The following ANGPTL5 variants were observed in gnomAD, a reference collection of about 807,000 sequenced individuals.
ANGPTL5 encodes the protein angiopoietin-related protein 5.
Under a neutral mutation model 39.4 loss-of-function variants are expected in ANGPTL5, and 34 were observed. The observed-to-expected ratio is 0.86, with a 90% confidence interval of 0.66 to 1.15. The LOEUF is 1.15. Ranked by LOEUF, ANGPTL5 falls within the 50% of genes most tolerant of loss-of-function variation. The probability of loss-of-function intolerance (pLI) is 0.00; values close to 1 mark genes in which losing one functional copy is unlikely to be tolerated. For synonymous variants in ANGPTL5, 146 were observed against 152.1 expected, an observed-to-expected ratio of 0.96 and a Z score of 0.29; for missense variants, 467 against 457.5, an observed-to-expected ratio of 1.02 and a Z score of -0.19.
intron 8 of ANGPTL5, among the ~76,000 whole-genome samples, chr11:101,892,369 T>C (rs1026820113): frequency 6.6e-6 from 1 of 152,118 alleles, no homozygotes; most frequent in African/African-American, 2.4e-5. Flanking sequence ...TAGCTGGCAT[T>C]ACAGGCACAC....
chr11:101,915,998 C>T (rs893344260), intron 1 of ANGPTL5, 21 bp downstream of exon 1: 1 of 152,200 alleles, frequency 6.6e-6, no homozygotes, highest in African/African-American at 2.4e-5. Context: ...TGACTTTTCT[C>T]GAAGAGTTGG....
intron 7 of ANGPTL5, among the ~76,000 whole-genome samples, chr11:101,897,153 CT>C (rs1939812938): frequency 6.6e-6 from 1 of 152,152 alleles, no homozygotes; most frequent in Non-Finnish European, 1.5e-5. Context: ...TAAATGTCGT[CT>C]TTTGAAAAGT....
At chr11:101,902,457 T>C (rs1939920901) in intron 6 of ANGPTL5, among the ~76,000 whole-genome samples, 164 bp downstream of exon 6, 2 of 152,286 alleles carry the variant, frequency 1.3e-5, no homozygotes, top group African/African-American at 4.8e-5. Context: ...GGCATTAGAA[T>C]TCTAAAAAAC....
In ANGPTL5 at chr11:101,907,802, T is replaced by C; in HGVS notation, c.96+12A>G. 6.4e-7 allele frequency: 1 copy of C among 1,554,644 alleles called. No homozygotes were observed. The highest frequency in any genetic ancestry group is 8.9e-7 in the Non-Finnish European group (1 of 1,127,018). On this transcript the variant is annotated intron_variant, in intron 2 of 8. Coordinates refer to ENST00000334289, the MANE Select transcript of ANGPTL5 (RefSeq NM_178127.5). ...GCTTTCCTAGCTAATATAATATTGC[T>C]AAAATTCTTACCGTAGAATGATGTA... is the stretch of plus-strand genomic sequence containing the variant.
Position 101,904,807 on chromosome 11 carries a change from T to A in ANGPTL5, c.439+7A>T, listed in dbSNP as rs755845871. ...ACATGAAAAGGCTGAAATACCAAAG[T>A]TCTCACCATGTGACTGAACAGGTCT... On this transcript the variant is annotated splice_region_variant and intron_variant, in intron 5 of 8. Coordinates refer to ENST00000334289, the MANE Select transcript of ANGPTL5 (RefSeq NM_178127.5). 2 of 1,609,618 alleles carry A rather than the reference T, an allele frequency of 1.2e-6. No homozygotes were observed. The highest frequency in any genetic ancestry group is 4.5e-5 in the East Asian group (2 of 44,830).
At chr11:101,902,496 ATTTAT>A in intron 6 of ANGPTL5, 120 bp downstream of exon 6, 1 of 840,560 alleles carries the variant, frequency 1.2e-6, no homozygotes, top group African/African-American at 1.7e-5. Context: ...ACTTTACCTA[ATTTAT>A]TTAAAATTTT....
chr11:101,895,474 T>C (rs1049852956), intron 7 of ANGPTL5, among the ~76,000 whole-genome samples: 1 of 152,202 alleles, frequency 6.6e-6, no homozygotes, highest in African/African-American at 2.4e-5. Context: ...AAACGTTATT[T>C]ACCAGTAAAT....
chr11:101,912,030 C>A (rs1344427544), intron 1 of ANGPTL5, among the ~76,000 whole-genome samples: 2 of 152,222 alleles, frequency 1.3e-5, no homozygotes, highest in Admixed American at 1.3e-4. Flanking sequence ...TGGTCTCTAT[C>A]CCCCTTCACT....
At chr11:101,906,005 T>A (rs1939992343) in intron 3 of ANGPTL5, among the ~76,000 whole-genome samples, 158 bp from the exon 4 acceptor site, 1 of 152,144 alleles carries the variant, frequency 6.6e-6, no homozygotes, top group African/African-American at 2.4e-5. Context: ...AGTTAGTATA[T>A]CTTTTGTTTA....
intron 1 of ANGPTL5, chr11:101,915,335 T>C (rs1340264171): frequency 6.2e-7 from 1 of 1,613,970 alleles, no homozygotes; most frequent in East Asian, 2.2e-5. Context: ...AACTGGGCAC[T>C]GAATCATCGG....
At chr11:101,903,970 A>G (rs1226855299) in intron 5 of ANGPTL5, among the ~76,000 whole-genome samples, 1 of 152,118 alleles carries the variant, frequency 6.6e-6, no homozygotes, top group Non-Finnish European at 1.5e-5. Flanking sequence ...CCTCACATCA[A>G]CTGTAAGAGG....
intron 7 of ANGPTL5, among the ~76,000 whole-genome samples, chr11:101,900,229 T>C (rs1048845811): frequency 2.6e-5 from 4 of 151,924 alleles, no homozygotes; most frequent in Non-Finnish European, 5.9e-5. Flanking sequence ...TCACCAGATA[T>C]CTACAAATAA....
intron 5 of ANGPTL5, among the ~76,000 whole-genome samples, chr11:101,903,459 AT>A (rs1939943599): frequency 6.6e-6 from 1 of 152,170 alleles, no homozygotes; most frequent in African/African-American, 2.4e-5. Flanking sequence ...CCAAATGCCC[AT>A]CTTAACATCC....
rs1307938609 is a variant in ANGPTL5 at position 101,904,889 on chromosome 11, T to C, written c.364A>G (p.Arg122Gly). ...LSNQVNELMN[R>G]VLLLTTEVFR... ...ACTTCTGTAGTCAAAAGGAGAACTC[T>C]ATTCATGAGCTCGTTAACCTAAACA... Residue 122 changes from arginine (R) to glycine (G), a missense_variant, in exon 5 of 9, where the codon AGA becomes GGA. By Grantham distance (125) the Arg-to-Gly change is moderately radical. Transcript: ENST00000334289. 2.5e-6 allele frequency: 4 copies of C among 1,613,170 alleles called. No individual in the cohort carries two copies. Among genetic ancestry groups the C allele is most frequent in the African/African-American group, 2.7e-5 (2 of 74,914 alleles).
intron 5 of ANGPTL5, among the ~76,000 whole-genome samples, chr11:101,903,626 C>CG (rs371050591): frequency 6.0e-4 from 92 of 152,260 alleles, no homozygotes; most frequent in African/African-American, 2.0e-3. Context: ...TTGTTTTCCC[C>CG]TTCGTCTCTG....
At chr11:101,901,802 TAAG>T (rs1565340283) in intron 6 of ANGPTL5, among the ~76,000 whole-genome samples, 2 of 152,090 alleles carry the variant, frequency 1.3e-5, no homozygotes, top group Non-Finnish European at 2.9e-5. Flanking sequence ...GTAGTAACTC[TAAG>T]AAGAGAAACC....
At chr11:101,915,222 G>A in intron 1 of ANGPTL5, 1 of 1,601,186 alleles carries the variant, frequency 6.2e-7, no homozygotes. Flanking sequence ...GGAGGAGGAG[G>A]AAGCCGGAGC....
At chr11:101,904,693 G>C in intron 5 of ANGPTL5, 121 bp downstream of exon 5, 1 of 847,602 alleles carries the variant, frequency 1.2e-6, no homozygotes, top group Non-Finnish European at 1.9e-6. Flanking sequence ...TAGCCCTCCA[G>C]TCTGTTAGAG....
intron 1 of ANGPTL5, among the ~76,000 whole-genome samples, chr11:101,910,768 T>C (rs545289494): frequency 6.6e-6 from 1 of 152,286 alleles, no homozygotes; most frequent in South Asian, 2.1e-4. Context: ...ACTGTAAACA[T>C]TTCTTGCCAC....
Sources: gnomAD v4.1 joint callset for allele counts (sites outside exome capture counted in the v4.1 genomes callset) on GRCh38, gnomAD v4.1.1 for gene constraint, MANE v1.5 for transcripts, NCBI Gene and HGNC (gene_info 2026-07-23, HGNC 2026-07-21) for gene names.